Variants in SPRED1 observed in about 807,000 individuals in gnomAD.
SPRED1 encodes the protein sprouty related EVH1 domain containing 1.
SPRED1 carries 18 observed loss-of-function variants against 52.3 expected under a neutral mutation model. The ratio of observed to expected loss-of-function variants is 0.34; its 90% CI spans 0.24 to 0.51. The LOEUF (loss-of-function observed/expected upper bound fraction) is 0.51, where lower values mean the gene tolerates loss of function less well. Ranked by LOEUF, SPRED1 falls within the 20% of genes least tolerant of loss-of-function variation. SPRED1 has a pLI of 0.97. For synonymous variants in SPRED1, 155 were observed against 179.7 expected, an observed-to-expected ratio of 0.86 and a Z score of 1.10; for missense variants, 485 against 551.0, an observed-to-expected ratio of 0.88 and a Z score of 1.20.
chr15:38,355,243 A>G lies in SPRED1; in HGVS notation c.*3579A>G, dbSNP rs1888591234. 6.6e-6 allele frequency: 1 copy of G among 152,372 alleles called. No homozygotes were observed. Among genetic ancestry groups the G allele is most frequent in the Non-Finnish European group, 1.5e-5 (1 of 68,186 alleles). 9.4% of individuals were successfully genotyped at this position (152,372 alleles called of 1,614,324 possible). A position where few individuals can be genotyped will look rare whatever the true frequency, so the allele number is the denominator to read the frequency against. On this transcript the variant is annotated 3_prime_UTR_variant, in exon 7 of 7. Transcript: ENST00000299084. ...AGTGCTGGGATTACAGGCATGAGCT[A>G]CTGCGCCCAGCCGTGTGTATGTTTC...
intron 1 of SPRED1, among the ~76,000 whole-genome samples, chr15:38,263,267 A>G (rs1194830000): frequency 1.3e-5 from 2 of 152,212 alleles, no homozygotes; most frequent in Non-Finnish European, 2.9e-5. Context: ...AAAATAACCC[A>G]GTTTTGATCT....
At chr15:38,323,253 A>G (rs757369125) in intron 3 of SPRED1, among the ~76,000 whole-genome samples, 5 of 152,192 alleles carry the variant, frequency 3.3e-5, no homozygotes, top group Non-Finnish European at 5.9e-5. Flanking sequence ...ATCTGTTTTG[A>G]TAGTGCATAA....
intron 2 of SPRED1, among the ~76,000 whole-genome samples, chr15:38,314,936 T>G (rs1037227415): frequency 6.6e-6 from 1 of 151,880 alleles, no homozygotes; most frequent in Non-Finnish European, 1.5e-5. Flanking sequence ...CATTGCTGTT[T>G]CTGTTACTTT....
At chr15:38,253,864 GAGA>G (rs1894036681) in intron 1 of SPRED1, among the ~76,000 whole-genome samples, 1 of 152,164 alleles carries the variant, frequency 6.6e-6, no homozygotes, top group South Asian at 2.1e-4. Flanking sequence ...TTCAGGAACG[GAGA>G]AGAATTTTGA....
rs1188945080 is a variant in SPRED1 at position 38,355,329 on chromosome 15, A to G, written c.*3665A>G. On this transcript the variant is annotated 3_prime_UTR_variant, in exon 7 of 7. Coordinates refer to ENST00000299084, the MANE Select transcript of SPRED1 (RefSeq NM_152594.3). ...GAAAAACTTGAAACTACCTATTTTC[A>G]TTGGTTATTCAGCAGTGCCTAAAAT... 6.6e-6 allele frequency: 1 copy of G among 152,290 alleles called. No homozygotes were observed. The highest frequency in any genetic ancestry group is 1.5e-5 in the Non-Finnish European group (1 of 68,106). The allele number at this position is 152,290 out of a possible 1,614,324, so 9.4% of individuals were successfully genotyped here.
chr15:38,311,798 C>T (rs1244542266), intron 2 of SPRED1, among the ~76,000 whole-genome samples: 1 of 152,016 alleles, frequency 6.6e-6, no homozygotes, highest in Non-Finnish European at 1.5e-5. Flanking sequence ...TGTGGCTTTG[C>T]TCTTTTGTCA....
At position 38,283,374 on chromosome 15, in the gene SPRED1, G is replaced by A. The variant is rs1595724301; in HGVS notation, c.33-15999G>A. On this transcript the variant is annotated intron_variant, in intron 1 of 6. Transcript: ENST00000299084. The stretch of plus-strand genomic sequence containing the variant: ...TTACAATTCAAGATGAGATTTGGGT[G>A]GGGACACAGAGCCAGACCATGTCTT... 10 of 270,894 alleles carry A rather than the reference G, an allele frequency of 3.7e-5. No individual in the cohort carries two copies. In the South Asian group the frequency reaches 1.1e-3, roughly 30 times the overall value. 16.8% of individuals were successfully genotyped at this position (270,894 alleles called of 1,614,324 possible). A position where few individuals can be genotyped will look rare whatever the true frequency, so the allele number is the denominator to read the frequency against.
chr15:38,268,519 C>G (rs961992539), intron 1 of SPRED1, among the ~76,000 whole-genome samples: 7 of 152,106 alleles, frequency 4.6e-5, no homozygotes, highest in African/African-American at 1.7e-4. Context: ...ATACACTTAC[C>G]CTTGTGACTA....
chr15:38,298,571 G>A (rs1483435611), intron 1 of SPRED1: 3 of 297,696 alleles, frequency 1.0e-5, no homozygotes, highest in East Asian at 1.5e-4. Context: ...GACAAAAAGA[G>A]TACAAATGGT....
At chr15:38,343,367 A>G (rs977743538) in intron 5 of SPRED1, among the ~76,000 whole-genome samples, 1 of 152,138 alleles carries the variant, frequency 6.6e-6, no homozygotes, top group African/African-American at 2.4e-5. Context: ...GGAGAAATTA[A>G]AAGATTCAGG....
intron 1 of SPRED1, among the ~76,000 whole-genome samples, chr15:38,290,513 C>G (rs1401494852): frequency 6.6e-6 from 1 of 152,098 alleles, no homozygotes; most frequent in Non-Finnish European, 1.5e-5. Context: ...ACTTAGATGA[C>G]TGATATTTGA....
Position 38,356,927 on chromosome 15 carries a change from C to G in SPRED1, c.*5263C>G, listed in dbSNP as rs78521927. The stretch of plus-strand genomic sequence containing the variant: ...TTGAAAAATCAAGGAGTAACTGTAT[C>G]TTTACCATTAATTATGAAATGTAGT... On this transcript the variant is annotated 3_prime_UTR_variant, in exon 7 of 7. Coordinates refer to ENST00000299084, the MANE Select transcript of SPRED1 (RefSeq NM_152594.3). 6.6e-6 allele frequency: 1 copy of G among 152,128 alleles called. No homozygotes were observed. The highest frequency in any genetic ancestry group is 2.4e-5 in the African/African-American group (1 of 41,444). 9.4% of individuals were successfully genotyped at this position (152,128 alleles called of 1,614,324 possible).
intron 1 of SPRED1, among the ~76,000 whole-genome samples, chr15:38,255,241 C>T (rs1176031709): frequency 6.6e-6 from 1 of 152,060 alleles, no homozygotes; most frequent in African/African-American, 2.4e-5. Flanking sequence ...ATATTTGAAA[C>T]ACCGATGGCA....
At position 38,324,768 on chromosome 15, in the gene SPRED1, C is replaced by T; in HGVS notation, c.382C>T (p.Pro128Ser). 2 of 1,608,324 alleles carry T rather than the reference C, an allele frequency of 1.2e-6. No homozygotes were observed. The highest frequency in any genetic ancestry group is 1.7e-6 in the Non-Finnish European group (2 of 1,177,416). ...RAIEDISQGC[P>S]ESKNEAEGAD... ...ACTTTTATCTATTTTCTTAGGATGC[C>T]CCGAATCAAAAAATGAAGCTGAAGG... The change falls in exon 4 of 7, where the codon CCC (proline) becomes TCC (serine). Residue 128 changes from proline to serine, a missense_variant. Around this residue, in one of 5 missense-constraint regions of SPRED1, gnomAD observed 232 missense variants for 231.8 expected, o/e 1.00. Coordinates refer to ENST00000299084, the MANE Select transcript of SPRED1 (RefSeq NM_152594.3).
chr15:38,286,238 A>C (rs1012175281), intron 1 of SPRED1, among the ~76,000 whole-genome samples: 5 of 151,662 alleles, frequency 3.3e-5, no homozygotes, highest in African/African-American at 1.2e-4. Context: ...AAAAAAAAAA[A>C]AAAAAAAAAA....
At chr15:38,270,055 G>T (rs1049227203) in intron 1 of SPRED1, among the ~76,000 whole-genome samples, 1 of 151,916 alleles carries the variant, frequency 6.6e-6, no homozygotes, top group African/African-American at 2.4e-5. Flanking sequence ...TTAAAGACGT[G>T]TGCCACCATG....
intron 1 of SPRED1, among the ~76,000 whole-genome samples, chr15:38,268,900 T>C (rs1197855744): frequency 6.6e-6 from 1 of 151,968 alleles, no homozygotes; most frequent in Non-Finnish European, 1.5e-5. Context: ...TATAAAGGAG[T>C]TGTAGAAACA....
chr15:38,278,797 A>G (rs1478096082), intron 1 of SPRED1, among the ~76,000 whole-genome samples: 1 of 151,634 alleles, frequency 6.6e-6, no homozygotes, highest in Non-Finnish European at 1.5e-5. Context: ...CATGTTCAGT[A>G]CAAACACAAC....
intron 4 of SPRED1, among the ~76,000 whole-genome samples, chr15:38,338,311 T>TTTC (rs1555391953): frequency 2.7e-5 from 4 of 150,058 alleles, no homozygotes; most frequent in Non-Finnish European, 4.4e-5. Flanking sequence ...TTGTTTTTTT[T>TTTC]CTCCCAGTAT....
Sources: allele counts gnomAD v4.1 joint callset (sites outside exome capture counted in the v4.1 genomes callset), GRCh38; gene constraint gnomAD v4.1.1; regional missense constraint gnomAD v4.1.1; transcripts MANE v1.5; gene names NCBI Gene and HGNC (gene_info 2026-07-23, HGNC 2026-07-21).